The following AMOTL1 variants were observed in gnomAD, a reference collection of about 807,000 sequenced individuals.
AMOTL1 encodes the protein angiomotin like 1.
Under a neutral mutation model 102.9 loss-of-function variants are expected in AMOTL1, and 45 were observed. That is an observed-to-expected ratio of 0.44 (90% CI 0.34 to 0.56). The LOEUF is 0.56. AMOTL1 is among the 20% of genes least tolerant of loss of function. The pLI, the probability that AMOTL1 is intolerant of heterozygous loss-of-function variation, is 0.01. For synonymous variants in AMOTL1, 481 were observed against 484.7 expected (o/e 0.99, Z 0.10); for missense variants, 1,114 against 1,225.6 (o/e 0.91, Z 1.36).
chr11:94,856,881 C>T lies in AMOTL1; in HGVS notation c.1945-2644C>T, dbSNP rs371484555. On this transcript the variant is annotated intron_variant, in intron 8 of 12. Transcript: ENST00000433060. ...TCAACAGCCCAGACAAGGGCTCTGC[C>T]CTTTGACTTATGCCGGGACACAGCT... 3.7e-4 allele frequency among the ~76,000 whole-genome samples: 56 copies of T among 152,324 alleles called. 1 individual carries two copies. The highest frequency in any genetic ancestry group is 2.7e-3 in the East Asian group (14 of 5,182).
chr11:94,729,132 C>A, intron 2 of AMOTL1: 1 of 1,049,448 alleles, frequency 9.5e-7, no homozygotes, highest in Non-Finnish European at 1.3e-6. Flanking sequence ...CCACTGTACT[C>A]AGTACGTGCC....
intron 11 of AMOTL1, among the ~76,000 whole-genome samples, chr11:94,867,608 G>A (rs907342246): frequency 2.0e-5 from 3 of 152,134 alleles, no homozygotes; most frequent in African/African-American, 7.2e-5. Context: ...ACAAACACAG[G>A]GACTCTCCAA....
At chr11:94,855,552 C>T (rs1952645281) in intron 8 of AMOTL1, among the ~76,000 whole-genome samples, 1 of 152,134 alleles carries the variant, frequency 6.6e-6, no homozygotes, top group Non-Finnish European at 1.5e-5. Flanking sequence ...CTTTCTTTGG[C>T]TAACCAAATG....
At chr11:94,767,583 C>T (rs1050429146), upstream of AMOTL1, among the ~76,000 whole-genome samples, 5 of 152,092 alleles carry the variant, frequency 3.3e-5, no homozygotes, top group African/African-American at 9.7e-5. Context: ...TAGAGCTGCC[C>T]GGAAAAAGCC....
intron 8 of AMOTL1, 54 bp downstream of exon 8, chr11:94,854,136 C>T (rs768861739): frequency 4.6e-5 from 68 of 1,466,714 alleles, no homozygotes; most frequent in East Asian, 1.8e-4. Context: ...ACTCAGCAAA[C>T]GTATGGATGT....
At chr11:94,828,276 T>C (rs1458284277) in intron 4 of AMOTL1, among the ~76,000 whole-genome samples, 1 of 152,218 alleles carries the variant, frequency 6.6e-6, no homozygotes, top group Non-Finnish European at 1.5e-5. Flanking sequence ...TTGATTCTAC[T>C]CATTAGTGTC....
intron 3 of AMOTL1, among the ~76,000 whole-genome samples, chr11:94,811,326 C>A (rs991875255): frequency 6.6e-6 from 1 of 152,020 alleles, no homozygotes; most frequent in African/African-American, 2.4e-5. Context: ...AACCCCGTCT[C>A]TACTAAAAAT....
At chr11:94,716,962 A>G (rs1950107886) in intron 1 of AMOTL1, among the ~76,000 whole-genome samples, 1 of 151,178 alleles carries the variant, frequency 6.6e-6, no homozygotes, top group African/African-American at 2.4e-5. Flanking sequence ...CTCTGGTAGG[A>G]CTCTTCTGGG....
In AMOTL1 at chr11:94,872,629, G is replaced by C. The variant is rs935754197; in HGVS notation, c.*1834G>C. ...GCCACCCAGTACGACAGAGGAGTGG[G>C]AACTGGCCCTCTGGGGCTCTGCTTG... On this transcript the variant is annotated 3_prime_UTR_variant, in exon 13 of 13. Coordinates refer to ENST00000433060, the MANE Select transcript of AMOTL1 (RefSeq NM_130847.3). 6 of 152,296 alleles carry C rather than the reference G, an allele frequency of 3.9e-5. No individual in the cohort carries two copies. Among genetic ancestry groups the C allele is most frequent in the African/African-American group, 7.2e-5 (3 of 41,450 alleles). The allele number at this position is 152,296 out of a possible 1,614,324, so 9.4% of individuals were successfully genotyped here.
At chr11:94,767,647 GC>G (rs1267165478), upstream of AMOTL1, among the ~76,000 whole-genome samples, 1 of 152,226 alleles carries the variant, frequency 6.6e-6, no homozygotes, top group Non-Finnish European at 1.5e-5. Context: ...GCTCCAGAGA[GC>G]CGCCAGTATA....
chr11:94,831,693 C>G (rs1952075418), intron 6 of AMOTL1, among the ~76,000 whole-genome samples, 152 bp downstream of exon 6: 2 of 152,120 alleles, frequency 1.3e-5, no homozygotes, highest in South Asian at 4.1e-4. Context: ...TGAGGCCCTC[C>G]TAGGTCTGCC....
intron 3 of AMOTL1, among the ~76,000 whole-genome samples, chr11:94,758,817 C>T (rs189249521): frequency 1.3e-5 from 2 of 152,268 alleles, no homozygotes; most frequent in African/African-American, 2.4e-5. Context: ...TTTGCTCACT[C>T]CTTAACTTGA....
rs114141771 is a variant in AMOTL1 at position 94,846,806 on chromosome 11, C to T, written c.1649-3308C>T. ...ATCACCTCTGTGGGCAAGTTACTTA[C>T]CCTTTTTTTTAGTGGCATTTTCCTC... On this transcript the variant is annotated intron_variant, in intron 6 of 12. Coordinates refer to ENST00000433060, the MANE Select transcript of AMOTL1 (RefSeq NM_130847.3). Among the ~76,000 whole-genome samples, 178 of 152,228 alleles carry T rather than the reference C, an allele frequency of 1.2e-3. 1 individual carries two copies. Among genetic ancestry groups the T allele is most frequent in the African/African-American group, 4.1e-3 (171 of 41,544 alleles).
chr11:94,768,270 G>A (rs548130158), upstream of AMOTL1: 22 of 1,230,074 alleles, frequency 1.8e-5, no homozygotes, highest in Middle Eastern at 6.3e-4. Flanking sequence ...CGCCACGGCG[G>A]GGGTGGAGTG....
At chr11:94,741,121 C>T (rs1950518636) in intron 3 of AMOTL1, 2 of 691,292 alleles carry the variant, frequency 2.9e-6, no homozygotes, top group African/African-American at 1.9e-5. Context: ...GGTCAGGGGA[C>T]ACCTGCTGCC....
intron 1 of AMOTL1, among the ~76,000 whole-genome samples, chr11:94,728,683 G>A (rs1395114966): frequency 6.6e-6 from 1 of 152,090 alleles, no homozygotes; most frequent in Non-Finnish European, 1.5e-5. Flanking sequence ...CTTGCTCAAA[G>A]CCTGGCATAC....
intron 1 of AMOTL1, among the ~76,000 whole-genome samples, chr11:94,726,871 T>C (rs577528536): frequency 2.6e-5 from 4 of 152,288 alleles, no homozygotes; most frequent in Admixed American, 2.0e-4. Flanking sequence ...AATACATGTG[T>C]TTGATGCCAT....
At chr11:94,717,247 G>C (rs1015125565) in intron 1 of AMOTL1, among the ~76,000 whole-genome samples, 1 of 150,634 alleles carries the variant, frequency 6.6e-6, no homozygotes, top group African/African-American at 2.4e-5. Flanking sequence ...AGAGGGAGAG[G>C]TAAAAGTGAG....
At chr11:94,786,204 A>G (rs908691984) in intron 1 of AMOTL1, among the ~76,000 whole-genome samples, 5 of 152,236 alleles carry the variant, frequency 3.3e-5, no homozygotes, top group Admixed American at 1.3e-4. Context: ...TAATGTTACT[A>G]TATACAATTT....
Sources: gnomAD v4.1 joint callset for allele counts (sites outside exome capture counted in the v4.1 genomes callset) on GRCh38, gnomAD v4.1.1 for gene constraint, MANE v1.5 for transcripts, NCBI Gene and HGNC (gene_info 2026-07-23, HGNC 2026-07-21) for gene names.